Variants in EXOC6B observed in about 807,000 individuals in gnomAD.
EXOC6B encodes the protein exocyst complex component 6B.
In EXOC6B, 54 loss-of-function variants were observed where a neutral mutation model predicts 113.5. The observed-to-expected ratio is 0.48, with a 90% CI of 0.38 to 0.60. The LOEUF is 0.60. Ranked by LOEUF, EXOC6B falls within the 20% of genes least tolerant of loss-of-function variation. The pLI is 0.00. For missense variants in EXOC6B, 797 were observed against 977.5 expected (o/e 0.82, Z 2.46); for synonymous variants, 357 against 339.0 (o/e 1.05, Z -0.58).
At chr2:72,298,492 G>A (rs1686292801) in intron 20 of EXOC6B, among the ~76,000 whole-genome samples, 1 of 152,222 alleles carries the variant, frequency 6.6e-6, no homozygotes, top group Admixed American at 6.5e-5. Flanking sequence ...TACATTTAAG[G>A]TTAATATTGT....
intron 6 of EXOC6B, among the ~76,000 whole-genome samples, chr2:72,646,710 T>A (rs1673746203): frequency 6.6e-6 from 1 of 152,182 alleles, no homozygotes; most frequent in Non-Finnish European, 1.5e-5. Flanking sequence ...CACATGATTA[T>A]CTCAATAGAT....
At chr2:72,449,756 T>A (rs1265194788) in intron 18 of EXOC6B, among the ~76,000 whole-genome samples, 2 of 152,156 alleles carry the variant, frequency 1.3e-5, no homozygotes, top group Non-Finnish European at 2.9e-5. Context: ...TGGCAAACTA[T>A]ATACCAAGTA....
chr2:72,273,841 T>C (rs1415773746), intron 20 of EXOC6B, among the ~76,000 whole-genome samples: 1 of 152,094 alleles, frequency 6.6e-6, no homozygotes, highest in East Asian at 1.9e-4. Context: ...AAAGGCCACT[T>C]TAGCAGTAAT....
chr2:72,756,353 A>G (rs990106055), intron 1 of EXOC6B, among the ~76,000 whole-genome samples: 2 of 152,166 alleles, frequency 1.3e-5, no homozygotes, highest in African/African-American at 4.8e-5. Context: ...CCAGCCACAC[A>G]ACATGTGGGA....
At chr2:72,709,773 T>A (rs1248167102) in intron 6 of EXOC6B, among the ~76,000 whole-genome samples, 1 of 152,164 alleles carries the variant, frequency 6.6e-6, no homozygotes, top group Non-Finnish European at 1.5e-5. Context: ...AAAAGATGCA[T>A]TTAAGTCTCA....
chr2:72,694,572 T>C (rs1394718137), intron 6 of EXOC6B, among the ~76,000 whole-genome samples: 1 of 152,212 alleles, frequency 6.6e-6, no homozygotes, highest in African/African-American at 2.4e-5. Context: ...TTTAAACAAA[T>C]GTTCAATGGG....
chr2:72,266,914 T>C lies in EXOC6B; in HGVS notation c.2196+68033A>G, dbSNP rs564310208. Reference sequence around the variant, plus strand: ...CATAGAATGTTCTTCCATTTGTTTGTCTCCTCTTTTATTTCATTGAGCAGT... The same window carrying C: ...CATAGAATGTTCTTCCATTTGTTTGCCTCCTCTTTTATTTCATTGAGCAGT... On this transcript the variant is annotated intron_variant, in intron 20 of 21. Coordinates refer to ENST00000272427, the MANE Select transcript of EXOC6B (RefSeq NM_015189.3). Among the ~76,000 whole-genome samples the C allele has an allele frequency of 3.3e-5, 5 of 152,304 alleles. No individual in the cohort carries two copies. In the East Asian group the frequency reaches 9.6e-4, roughly 29 times the overall value.
At chr2:72,353,958 T>C (rs1689821454) in intron 19 of EXOC6B, among the ~76,000 whole-genome samples, 1 of 152,180 alleles carries the variant, frequency 6.6e-6, no homozygotes, top group Non-Finnish European at 1.5e-5. Context: ...CAGTTAAGAT[T>C]GAAAATGCAG....
At chr2:72,565,221 C>T (rs763594385) in intron 7 of EXOC6B, among the ~76,000 whole-genome samples, 5 of 151,874 alleles carry the variant, frequency 3.3e-5, no homozygotes, top group Non-Finnish European at 5.9e-5. Flanking sequence ...TGTGATGGCA[C>T]ATGCCTGTAC....
rs2063169 is a variant in EXOC6B, at chr2:72,730,579, G to C, written c.464+428C>G. On this transcript the variant is annotated intron_variant, in intron 5 of 21. Transcript: ENST00000272427. ...CCTCTCCAGTAGGTAAACAGACAGA[G>C]ACACACACACACACACACACACACA... 1.3e-3 allele frequency among the ~76,000 whole-genome samples: 188 copies of C among 144,560 alleles called. 1 individual carries two copies. The highest frequency in any genetic ancestry group is 4.4e-3 in the African/African-American group (169 of 38,118). 94.8% of individuals were successfully genotyped at this position (144,560 alleles called of 152,430 possible). A position where few individuals can be genotyped will look rare whatever the true frequency, so the allele number is the denominator to read the frequency against.
At chr2:72,417,255 G>A (rs899808471) in intron 18 of EXOC6B, among the ~76,000 whole-genome samples, 21 of 152,182 alleles carry the variant, frequency 1.4e-4, no homozygotes, top group East Asian at 1.4e-3. Context: ...GTGCAATGGC[G>A]CGACCTCTTC....
Position 72,735,646 on chromosome 2 carries a change from T to C in EXOC6B, c.280-2528A>G, listed in dbSNP as rs181325469. Reference sequence around the variant, plus strand: ...GCCTGGCCAACATGGTGAAACCCAGTCTCTACTAAAAATACAAAAATTAGC... The same window carrying C: ...GCCTGGCCAACATGGTGAAACCCAGCCTCTACTAAAAATACAAAAATTAGC... On this transcript the variant is annotated intron_variant, in intron 2 of 21. Transcript: ENST00000272427. 4.1e-3 allele frequency among the ~76,000 whole-genome samples: 618 copies of C among 151,714 alleles called. 4 individuals are homozygous for C. The highest frequency in any genetic ancestry group is 6.8e-3 in the Middle Eastern group (2 of 294).
At chr2:72,331,224 C>G (rs547005978) in intron 20 of EXOC6B, among the ~76,000 whole-genome samples, 1 of 152,134 alleles carries the variant, frequency 6.6e-6, no homozygotes, top group South Asian at 2.1e-4. Flanking sequence ...CCAGAGGGCA[C>G]AGATTATACT....
intron 1 of EXOC6B, among the ~76,000 whole-genome samples, chr2:72,766,714 G>C (rs1439083862): frequency 6.6e-6 from 1 of 151,928 alleles, no homozygotes; most frequent in Admixed American, 6.6e-5. Context: ...AGCACTTTGG[G>C]AGGATGAGGC....
At chr2:72,247,344 C>G (rs1439172063) in intron 20 of EXOC6B, among the ~76,000 whole-genome samples, 1 of 152,134 alleles carries the variant, frequency 6.6e-6, no homozygotes, top group East Asian at 1.9e-4. Flanking sequence ...CTGTGAGGAT[C>G]TGAAAATTGT....
chr2:72,324,398 A>G, intron 20 of EXOC6B, among the ~76,000 whole-genome samples: 1 of 152,156 alleles, frequency 6.6e-6, no homozygotes, highest in Admixed American at 6.6e-5. Flanking sequence ...CTGTCATGTA[A>G]TGAATCAGCA....
intron 19 of EXOC6B, among the ~76,000 whole-genome samples, chr2:72,352,762 A>G (rs772339025): frequency 1.3e-5 from 2 of 148,772 alleles, no homozygotes; most frequent in Non-Finnish European, 3.0e-5. Flanking sequence ...GTAAGGCGTT[A>G]TCTACATAAA....
intron 6 of EXOC6B, among the ~76,000 whole-genome samples, chr2:72,645,228 A>C (rs112719202): frequency 3.9e-5 from 6 of 152,348 alleles, no homozygotes; most frequent in African/African-American, 1.4e-4. Context: ...TCAATTCAAC[A>C]AGAAGAACTA....
chr2:72,581,037 G>T (rs941349837), intron 6 of EXOC6B, among the ~76,000 whole-genome samples: 3 of 152,096 alleles, frequency 2.0e-5, no homozygotes, highest in Non-Finnish European at 1.5e-5. Context: ...TATCAACTCC[G>T]CAGGCTAAGA....
Sources: allele counts gnomAD v4.1 joint callset (sites outside exome capture counted in the v4.1 genomes callset), GRCh38; gene constraint gnomAD v4.1.1; transcripts MANE v1.5; gene names NCBI Gene and HGNC (gene_info 2026-07-23, HGNC 2026-07-21).